PALD1: variants seen among roughly 807,000 people sequenced by gnomAD.
The protein encoded by PALD1 is phosphatase domain containing paladin 1.
A neutral mutation model predicts 96.0 loss-of-function variants in PALD1; 57 were observed. The observed-to-expected ratio is 0.59, with a 90% CI of 0.48 to 0.74. The LOEUF (loss-of-function observed/expected upper bound fraction) is 0.74, where lower values mean the gene tolerates loss of function less well. Among genes scored for constraint, PALD1 ranks in the 30% least tolerant of loss-of-function variants. The pLI is 0.00. For synonymous variants in PALD1, 464 were observed against 473.6 expected, an observed-to-expected ratio of 0.98 and a Z score of 0.26; for missense variants, 1,063 against 1,143.7, an observed-to-expected ratio of 0.93 and a Z score of 1.02.
In PALD1 at chr10:70,514,738, G is replaced by A. The variant is rs182195110; in HGVS notation, c.-29-11185G>A. ...ACCAGACTGTACAAGTGGAATTATT[G>A]TCAGGGGAACACGCGCTGCAGTGGG... On this transcript the variant is annotated intron_variant, in intron 1 of 19. Transcript: ENST00000263563. Among the ~76,000 whole-genome samples, 6 of 152,302 alleles carry A rather than the reference G, an allele frequency of 3.9e-5. No homozygotes were observed. In the East Asian group the frequency reaches 1.2e-3, roughly 29 times the overall value.
chr10:70,534,686 C>A (rs1847071578), intron 9 of PALD1, 53 bp from the exon 10 acceptor site: 1 of 1,348,412 alleles, frequency 7.4e-7, no homozygotes. Flanking sequence ...CTGCCTTGAC[C>A]CTGCTCCCCA....
chr10:70,539,325 C>T lies in PALD1; in HGVS notation c.1725+78C>T, dbSNP rs924356707. The T allele has an allele frequency of 2.7e-5, 38 of 1,391,006 alleles. No individual in the cohort carries two copies. The highest frequency in any genetic ancestry group is 3.4e-5 in the Non-Finnish European group (35 of 1,028,462). 86.2% of individuals were successfully genotyped at this position (1,391,006 alleles called of 1,614,324 possible). A position where few individuals can be genotyped will look rare whatever the true frequency, so the allele number is the denominator to read the frequency against. On this transcript the variant is annotated intron_variant, in intron 14 of 19. Transcript: ENST00000263563. This position sits in a 1 kb window ranked among gnomAD's most constrained non-coding sequence, Gnocchi z 4.5. Reference sequence around the variant, plus strand: ...GCCTGGGAGGGTCTTCAGAAGGCCTCACACTCCCGCAGACAGATGGAGAAT... The same window carrying T: ...GCCTGGGAGGGTCTTCAGAAGGCCTTACACTCCCGCAGACAGATGGAGAAT...
chr10:70,465,817 G>A, the PALD1 span, among the ~76,000 whole-genome samples: 1 of 152,182 alleles, frequency 6.6e-6, no homozygotes, highest in African/African-American at 2.4e-5. Context: ...GGACAGCAGG[G>A]AGAAAGGTCC....
At chr10:70,525,703 C>T (rs913373202) in intron 1 of PALD1, among the ~76,000 whole-genome samples, 4 of 152,036 alleles carry the variant, frequency 2.6e-5, no homozygotes, top group Non-Finnish European at 5.9e-5. Context: ...TGTCTATGTC[C>T]GTGACTCCCC....
upstream of PALD1, among the ~76,000 whole-genome samples, chr10:70,473,896 C>T (rs907847641): frequency 5.4e-5 from 8 of 149,390 alleles, no homozygotes; most frequent in Non-Finnish European, 1.0e-4. Context: ...GATCCACCCC[C>T]CCCCCCTCAG....
Position 70,529,093 on chromosome 10 carries a change from G to A in PALD1, c.186-136G>A, listed in dbSNP as rs931157141. The stretch of plus-strand genomic sequence containing the variant: ...GGAAGAAGGGAAGAGTGGATATTGA[G>A]GGACAATGGGCAGTCTCTGCCACAA... On this transcript the variant is annotated intron_variant, in intron 2 of 19. Coordinates refer to ENST00000263563, the MANE Select transcript of PALD1 (RefSeq NM_014431.3). 32 of 604,982 alleles carry A rather than the reference G, an allele frequency of 5.3e-5. 1 individual carries two copies. In the Middle Eastern group the frequency reaches 1.6e-3, roughly 30 times the overall value. 37.5% of individuals were successfully genotyped at this position (604,982 alleles called of 1,614,324 possible). A position where few individuals can be genotyped will look rare whatever the true frequency, so the allele number is the denominator to read the frequency against.
rs774728064 is a variant in PALD1 at position 70,564,374 on chromosome 10, C to T, written c.2273C>T (p.Ala758Val). The T allele has an allele frequency of 6.2e-6, 10 of 1,613,000 alleles. No homozygotes were observed. Among genetic ancestry groups the T allele is most frequent in the South Asian group, 3.3e-5 (3 of 90,894 alleles). The change falls in exon 19 of 20, where the codon GCG (alanine) becomes GTG (valine). Residue 758 changes from alanine to valine, a missense_variant. Coordinates refer to ENST00000263563, the MANE Select transcript of PALD1 (RefSeq NM_014431.3). ...IICTYRQAKA[A>V]KEAQEMRRLQ... ...TGTCCTGTCCTCCAGGCGAAGGCAG[C>T]GAAAGAGGCGCAAGAAATGCGGAGG...
chr10:70,558,966 T>A (rs1847674822), intron 18 of PALD1, among the ~76,000 whole-genome samples: 1 of 152,108 alleles, frequency 6.6e-6, no homozygotes, highest in Non-Finnish European at 1.5e-5. Context: ...CATTTTTCTA[T>A]CAGCCGAGGG....
chr10:70,466,033 G>C, the PALD1 span, among the ~76,000 whole-genome samples: 2 of 152,094 alleles, frequency 1.3e-5, no homozygotes, highest in African/African-American at 4.8e-5. Flanking sequence ...CTGTCACCGG[G>C]GAGGCTGGAG....
chr10:70,475,856 ATTC>A (rs1226034627), upstream of PALD1, among the ~76,000 whole-genome samples: 1 of 152,122 alleles, frequency 6.6e-6, no homozygotes, highest in Non-Finnish European at 1.5e-5. Context: ...GGTTACTCAT[ATTC>A]TTTGCAGCAG....
chr10:70,536,074 C>A (rs7099471), intron 10 of PALD1, among the ~76,000 whole-genome samples: 95,151 of 152,012 alleles, frequency 0.63, 30,300 homozygotes, highest in East Asian at 0.76. Flanking sequence ...GTTTGAGACC[C>A]GACTGGCTAA....
At position 70,507,114 on chromosome 10, in the gene PALD1, T is replaced by C. The variant is rs115454293; in HGVS notation, c.-29-18809T>C. On this transcript the variant is annotated intron_variant, in intron 1 of 19. Coordinates refer to ENST00000263563, the MANE Select transcript of PALD1 (RefSeq NM_014431.3). ...AATTATCTTTCTATTAAAAAAAATTTTTTTAGGACAGGCACGGTGGCTCGT... is the reference window on the plus strand; with the variant it reads ...AATTATCTTTCTATTAAAAAAAATTCTTTTAGGACAGGCACGGTGGCTCGT... Among the ~76,000 whole-genome samples the C allele has an allele frequency of 8.8e-3, 1,338 of 152,202 alleles. 17 individuals carry two copies. The highest frequency in any genetic ancestry group is 0.03 in the African/African-American group (1,255 of 41,554).
chr10:70,478,723 G>C (rs755453225), upstream of PALD1: 1 of 152,062 alleles, frequency 6.6e-6, no homozygotes, highest in Non-Finnish European at 1.5e-5. Context: ...CGGTCCGGGC[G>C]GGGGCGGGCG....
At chr10:70,560,422 G>A (rs1847714420) in intron 18 of PALD1, among the ~76,000 whole-genome samples, 1 of 141,486 alleles carries the variant, frequency 7.1e-6, no homozygotes, top group South Asian at 2.4e-4. Flanking sequence ...AACTAAGCAT[G>A]TGCTAAACAA....
chr10:70,537,785 C>G (rs1847144411), intron 10 of PALD1, 26 bp from the exon 11 acceptor site: 1 of 1,548,472 alleles, frequency 6.5e-7, no homozygotes, highest in Non-Finnish European at 8.9e-7. Context: ...AGGAGTCTGT[C>G]CTTAACACCC....
At chr10:70,507,772 T>TGTGC (rs1267372920) in intron 1 of PALD1, among the ~76,000 whole-genome samples, 7 of 151,768 alleles carry the variant, frequency 4.6e-5, no homozygotes, top group Non-Finnish European at 8.8e-5. Context: ...TGTGTGTGTG[T>TGTGC]GTGTGTGTGT....
upstream of PALD1, among the ~76,000 whole-genome samples, chr10:70,478,142 C>T (rs555568879): frequency 1.3e-5 from 2 of 152,238 alleles, no homozygotes; most frequent in South Asian, 4.1e-4. Flanking sequence ...CTCTGCTGTT[C>T]CCCTCTCACC....
chr10:70,544,478 T>C (rs2132407028), intron 17 of PALD1, among the ~76,000 whole-genome samples: 1 of 151,904 alleles, frequency 6.6e-6, no homozygotes, highest in Admixed American at 6.6e-5. Flanking sequence ...ATATGTGGAC[T>C]GGGGAGTGGA....
At chr10:70,474,660 G>A (rs1448854310), upstream of PALD1, among the ~76,000 whole-genome samples, 1 of 152,158 alleles carries the variant, frequency 6.6e-6, no homozygotes. Flanking sequence ...GGTGTAAAAT[G>A]TATTTCTTAC....
Sources: gnomAD v4.1 joint callset for allele counts (sites outside exome capture counted in the v4.1 genomes callset) on GRCh38, gnomAD v4.1.1 for gene constraint, Gnocchi (gnomAD v3.1) non-coding constraint, MANE v1.5 for transcripts, NCBI Gene and HGNC (gene_info 2026-07-23, HGNC 2026-07-21) for gene names.